The following TRPA1 variants were observed in gnomAD, a reference collection of about 807,000 sequenced individuals.
TRPA1 encodes the protein ankyrin-like with transmembrane domains 1.
In TRPA1, 129 loss-of-function variants were observed where a neutral mutation model predicts 131.3. That is an observed-to-expected ratio of 0.98 (90% CI 0.85 to 1.14). The LOEUF (loss-of-function observed/expected upper bound fraction) is 1.14. Among genes scored for constraint, TRPA1 ranks in the 50% most tolerant of loss-of-function variants. The pLI is 0.00. For missense variants in TRPA1, 1,304 were observed against 1,354.2 expected (o/e 0.96, Z 0.58); for synonymous variants, 441 against 451.7 (o/e 0.98, Z 0.30).
chr8:72,021,436 G>A lies in TRPA1; in HGVS notation c.*1470C>T, dbSNP rs1811386288. The stretch of plus-strand genomic sequence containing the variant: ...CAGGAGATCTTTGGATATTGCTTCT[G>A]TATAGTGATTTTCCACCCTTTCTGT... On this transcript the variant is annotated 3_prime_UTR_variant, in exon 27 of 27. Transcript: ENST00000262209. 6.6e-6 allele frequency: 1 copy of A among 152,160 alleles called. No individual in the cohort carries two copies. The highest frequency in any genetic ancestry group is 2.4e-5 in the African/African-American group (1 of 41,422). The allele number at this position is 152,160 out of a possible 1,614,324, so 9.4% of individuals were successfully genotyped here.
At chr8:72,063,642 G>A in intron 4 of TRPA1, 71 bp from the exon 5 acceptor site, 2 of 951,628 alleles carry the variant, frequency 2.1e-6, no homozygotes, top group South Asian at 2.6e-5. Context: ...GAGAATTTAT[G>A]TGCCTCTCCC....
chr8:72,025,105 C>CGTGTGT (rs71265963), intron 25 of TRPA1, among the ~76,000 whole-genome samples: 17 of 120,222 alleles, frequency 1.4e-4, no homozygotes, highest in East Asian at 4.0e-4. Context: ...TGTGTGTGTT[C>CGTGTGT]GTGTGTGTGT....
upstream of TRPA1, chr8:72,076,425 T>A (rs980082651): frequency 1.3e-5 from 2 of 152,118 alleles, no homozygotes; most frequent in Admixed American, 6.5e-5. Context: ...TGCCGTAAGT[T>A]CAGGTTTACA....
At chr8:72,053,488 C>T in intron 13 of TRPA1, 1 of 489,742 alleles carries the variant, frequency 2.0e-6, no homozygotes, top group Non-Finnish European at 3.7e-6. Flanking sequence ...GGAGTAAACG[C>T]TTTACCATCA....
intron 17 of TRPA1, among the ~76,000 whole-genome samples, chr8:72,044,207 G>GAA (rs574270169): frequency 6.0e-5 from 8 of 134,242 alleles, no homozygotes; most frequent in South Asian, 2.4e-4. Flanking sequence ...CTATTCTTGG[G>GAA]AAAAAAAAAA....
the TRPA1 span, among the ~76,000 whole-genome samples, chr8:72,080,922 T>C: frequency 1.3e-5 from 2 of 151,836 alleles, no homozygotes; most frequent in Non-Finnish European, 3.0e-5. Context: ...CTGTTTTTTG[T>C]CATTCATGTA....
chr8:72,058,987 G>A (rs1286935085), intron 8 of TRPA1, among the ~76,000 whole-genome samples: 4 of 152,158 alleles, frequency 2.6e-5, no homozygotes, highest in Non-Finnish European at 5.9e-5. Flanking sequence ...TGGCACTGAG[G>A]CATCTGGGAT....
intron 17 of TRPA1, among the ~76,000 whole-genome samples, chr8:72,042,452 T>G (rs75929294): frequency 0.019 from 2,910 of 151,940 alleles, 77 homozygotes; most frequent in East Asian, 0.082. Flanking sequence ...GGAATCTTTG[T>G]GCACTATTGG....
intron 3 of TRPA1, among the ~76,000 whole-genome samples, chr8:72,066,158 C>A (rs1351894362): frequency 6.6e-6 from 1 of 152,134 alleles, no homozygotes; most frequent in Non-Finnish European, 1.5e-5. Context: ...ACTTTCTCTA[C>A]AATGTAAGAA....
chr8:72,044,614 T>G (rs1250382554), intron 17 of TRPA1, among the ~76,000 whole-genome samples: 1 of 151,998 alleles, frequency 6.6e-6, no homozygotes, highest in Non-Finnish European at 1.5e-5. Context: ...CCACAGTAGC[T>G]CTACTCTTGC....
At chr8:72,028,879 G>A (rs1454098959) in intron 24 of TRPA1, among the ~76,000 whole-genome samples, 2 of 152,178 alleles carry the variant, frequency 1.3e-5, no homozygotes, top group Non-Finnish European at 2.9e-5. Flanking sequence ...AAAGTGAAGA[G>A]GAGACAAGAG....
At chr8:72,071,923 T>TAA in intron 1 of TRPA1, 56 bp from the exon 2 acceptor site, 2 of 1,504,550 alleles carry the variant, frequency 1.3e-6, no homozygotes, top group Non-Finnish European at 1.8e-6. Context: ...CTTATGGCTA[T>TAA]AATCATTTTA....
intron 26 of TRPA1, chr8:72,023,333 G>A: frequency 1.6e-6 from 1 of 613,174 alleles, no homozygotes; most frequent in East Asian, 2.8e-5. Context: ...GTTTATTTTT[G>A]TTCCCAGTTT....
At chr8:72,068,347 T>C (rs1301924842) in intron 3 of TRPA1, among the ~76,000 whole-genome samples, 2 of 152,196 alleles carry the variant, frequency 1.3e-5, no homozygotes, top group Non-Finnish European at 2.9e-5. Context: ...GACTCTGAGA[T>C]GTAGTTTAAA....
chr8:72,076,358 C>G (rs1204964694), upstream of TRPA1, among the ~76,000 whole-genome samples: 1 of 151,916 alleles, frequency 6.6e-6, no homozygotes, highest in African/African-American at 2.4e-5. Flanking sequence ...ATCGAAGAGG[C>G]TGGTTCTACT....
intron 17 of TRPA1, 122 bp from the exon 18 acceptor site, chr8:72,039,919 G>A (rs2129434060): frequency 1.4e-6 from 1 of 690,184 alleles, no homozygotes. Context: ...ACCTATTTTA[G>A]AACATTGAAA....
At chr8:72,044,956 T>C (rs1160358405) in intron 17 of TRPA1, among the ~76,000 whole-genome samples, 1 of 152,038 alleles carries the variant, frequency 6.6e-6, no homozygotes, top group East Asian at 1.9e-4. Context: ...ATCTTATTTC[T>C]TCCTATTCTT....
intron 4 of TRPA1, among the ~76,000 whole-genome samples, chr8:72,063,892 A>G (rs866157682): frequency 4.3e-4 from 65 of 152,106 alleles, no homozygotes; most frequent in African/African-American, 1.5e-3. Flanking sequence ...TTCCATAACT[A>G]TTTTCAGTTT....
chr8:72,078,972 T>C (rs1046991443), upstream of TRPA1, among the ~76,000 whole-genome samples: 8 of 151,998 alleles, frequency 5.3e-5, no homozygotes, highest in Non-Finnish European at 1.0e-4. Context: ...TACCATTGAG[T>C]CTCTAATTAG....
Sources: allele counts gnomAD v4.1 joint callset (sites outside exome capture counted in the v4.1 genomes callset), GRCh38; gene constraint gnomAD v4.1.1; transcripts MANE v1.5; gene names NCBI Gene and HGNC (gene_info 2026-07-23, HGNC 2026-07-21).